MBD5: variants seen among roughly 807,000 people sequenced by gnomAD.
MBD5 encodes the protein methyl-CpG-binding domain protein 5.
In MBD5, 13 loss-of-function variants were observed where a neutral mutation model predicts 117.3. The ratio of observed to expected loss-of-function variants is 0.11; its 90% CI spans 0.07 to 0.18. The LOEUF is 0.18. Ranked by LOEUF, MBD5 falls within the 10% of genes least tolerant of loss-of-function variation. The pLI is 1.00. For synonymous variants in MBD5, 727 were observed against 766.4 expected (o/e 0.95, Z 0.85); for missense variants, 1,879 against 2,093.8 (o/e 0.90, Z 2.00).
At chr2:148,508,935 T>G (rs1483360938) in intron 12 of MBD5, among the ~76,000 whole-genome samples, 5 of 152,210 alleles carry the variant, frequency 3.3e-5, no homozygotes, top group Non-Finnish European at 7.3e-5. Flanking sequence ...CATTGTCCAG[T>G]CCTGGTGTGT....
chr2:148,492,143 G>C (rs1179679142), intron 11 of MBD5, among the ~76,000 whole-genome samples: 17 of 151,104 alleles, frequency 1.1e-4, no homozygotes, highest in Admixed American at 1.1e-3. Context: ...CTGAGACTGA[G>C]GTATTCACTG....
chr2:148,511,709 C>A (rs1306499723), intron 13 of MBD5, among the ~76,000 whole-genome samples: 1 of 152,130 alleles, frequency 6.6e-6, no homozygotes, highest in African/African-American at 2.4e-5. Flanking sequence ...TTTCTTTCCT[C>A]AGTTATAAAA....
rs541758330 is a variant in MBD5, at chr2:148,359,611, G to A, written c.-557+17275G>A. 1.2e-3 allele frequency among the ~76,000 whole-genome samples: 186 copies of A among 152,018 alleles called. 1 individual carries two copies. The highest frequency in any genetic ancestry group is 4.2e-3 in the African/African-American group (176 of 41,506). On this transcript the variant is annotated intron_variant, in intron 4 of 13. Transcript: ENST00000642680. ...TCTTAAGCAGCTCCTTTGTGTACTC[G>A]ATTGAAAGATCCTTGTAAGCTTTAG...
In MBD5 at chr2:148,076,399, G is replaced by T. The variant is rs532083223; in HGVS notation, c.-925+54715G>T. Among the ~76,000 whole-genome samples the T allele has an allele frequency of 2.0e-5, 3 of 152,254 alleles. No homozygotes were observed. The South Asian group carries it at 6.2e-4, about 32-fold the overall frequency. ...TAAAAACAACAAAGGTTTATTTCTTGCTCTCCTTGCATGTCCATCATGGTC... is the reference window on the plus strand; with the variant it reads ...TAAAAACAACAAAGGTTTATTTCTTTCTCTCCTTGCATGTCCATCATGGTC... On this transcript the variant is annotated intron_variant, in intron 1 of 13. Coordinates refer to ENST00000642680, the MANE Select transcript of MBD5 (RefSeq NM_001378120.1).
At chr2:148,402,313 C>T (rs1704947859) in intron 4 of MBD5, among the ~76,000 whole-genome samples, 1 of 152,002 alleles carries the variant, frequency 6.6e-6, no homozygotes, top group Non-Finnish European at 1.5e-5. Context: ...CTTCATTCCT[C>T]CTACTTTTAT....
intron 1 of MBD5, among the ~76,000 whole-genome samples, chr2:148,149,548 TC>T (rs1203211592): frequency 2.6e-5 from 4 of 151,246 alleles, no homozygotes; most frequent in African/African-American, 9.7e-5. Flanking sequence ...TAGTTTACAG[TC>T]CCACCAACAG....
At chr2:148,260,254 G>A (rs986761755) in intron 3 of MBD5, among the ~76,000 whole-genome samples, 1 of 152,116 alleles carries the variant, frequency 6.6e-6, no homozygotes, top group South Asian at 2.1e-4. Flanking sequence ...ATCTTTTGTT[G>A]TCATTTCAAC....
At chr2:148,260,696 C>G (rs1700711290) in intron 3 of MBD5, 1 of 205,730 alleles carries the variant, frequency 4.9e-6, no homozygotes, top group Non-Finnish European at 1.0e-5. Context: ...CTGCTCTACC[C>G]AGGTCAGAGA....
intron 4 of MBD5, among the ~76,000 whole-genome samples, chr2:148,423,005 C>T (rs1034479576): frequency 2.6e-5 from 4 of 152,150 alleles, no homozygotes; most frequent in Non-Finnish European, 5.9e-5. Flanking sequence ...GGAAAACACT[C>T]TTTAGGATAT....
At chr2:148,386,278 T>A (rs1465644398) in intron 4 of MBD5, among the ~76,000 whole-genome samples, 1 of 152,058 alleles carries the variant, frequency 6.6e-6, no homozygotes, top group Non-Finnish European at 1.5e-5. Context: ...CCACAAAACC[T>A]GAAATTACTT....
chr2:148,431,541 C>T (rs568280657), intron 4 of MBD5, among the ~76,000 whole-genome samples: 2 of 152,094 alleles, frequency 1.3e-5, no homozygotes, highest in Non-Finnish European at 2.9e-5. Context: ...CTCTCTCCCC[C>T]CACCTCCACT....
intron 8 of MBD5, among the ~76,000 whole-genome samples, chr2:148,480,572 A>G (rs936862047): frequency 1.3e-5 from 2 of 152,078 alleles, no homozygotes; most frequent in Non-Finnish European, 2.9e-5. Context: ...TCTTAAAAAT[A>G]TTTGTAAAGG....
intron 1 of MBD5, among the ~76,000 whole-genome samples, chr2:148,103,898 A>G (rs1229542789): frequency 1.3e-5 from 2 of 152,052 alleles, no homozygotes; most frequent in South Asian, 2.1e-4. Flanking sequence ...TTAAATTCCT[A>G]CTCCTTAGGA....
At chr2:148,479,283 C>T (rs181187054) in intron 8 of MBD5, among the ~76,000 whole-genome samples, 406 of 152,298 alleles carry the variant, frequency 2.7e-3, no homozygotes, top group Non-Finnish European at 4.4e-3. Context: ...TTTCCAATGT[C>T]CCTTATCTCC....
chr2:148,507,289 C>A (rs1682061589), intron 12 of MBD5, among the ~76,000 whole-genome samples: 2 of 152,222 alleles, frequency 1.3e-5, no homozygotes, highest in East Asian at 3.9e-4. Context: ...AAATCTTTTA[C>A]CCATGACTAT....
chr2:148,140,193 A>G (rs960342532), intron 1 of MBD5, among the ~76,000 whole-genome samples: 2 of 152,174 alleles, frequency 1.3e-5, no homozygotes, highest in African/African-American at 4.8e-5. Context: ...TATTGGAACC[A>G]TTATTTAAGT....
intron 4 of MBD5, among the ~76,000 whole-genome samples, chr2:148,450,114 A>G (rs1706683941): frequency 1.3e-5 from 2 of 152,158 alleles, no homozygotes; most frequent in Non-Finnish European, 2.9e-5. Flanking sequence ...TTTCTGTAAT[A>G]TGACTTTAAT....
At chr2:148,212,140 T>G (rs746916054) in intron 2 of MBD5, among the ~76,000 whole-genome samples, 10 of 152,214 alleles carry the variant, frequency 6.6e-5, no homozygotes, top group African/African-American at 1.2e-4. Flanking sequence ...ATCCAGTGCT[T>G]CTTAGTATAT....
chr2:148,115,830 T>C (rs1415140470), intron 1 of MBD5, among the ~76,000 whole-genome samples: 2 of 152,112 alleles, frequency 1.3e-5, no homozygotes, highest in Non-Finnish European at 2.9e-5. Flanking sequence ...AGAGATCTTA[T>C]CATTTTTATT....
Sources: allele counts gnomAD v4.1 joint callset (sites outside exome capture counted in the v4.1 genomes callset), GRCh38; gene constraint gnomAD v4.1.1; transcripts MANE v1.5; gene names NCBI Gene and HGNC (gene_info 2026-07-23, HGNC 2026-07-21).